Variants in KCNH5 observed in about 807,000 individuals in gnomAD.
KCNH5 encodes potassium voltage-gated channel subfamily H member 5.
KCNH5 carries 46 observed loss-of-function variants against 96.1 expected under a neutral mutation model. The ratio of observed to expected loss-of-function variants is 0.48; its 90% CI spans 0.38 to 0.61. The LOEUF is 0.61. Ranked by LOEUF, KCNH5 falls within the 20% of genes least tolerant of loss-of-function variation. The probability of loss-of-function intolerance (pLI) is 0.00; values close to 1 mark genes in which losing one functional copy is unlikely to be tolerated. For synonymous variants in KCNH5, 439 were observed against 449.8 expected (o/e 0.98, Z 0.30); for missense variants, 907 against 1,225.8 (o/e 0.74, Z 3.88).
At position 62,870,099 on chromosome 14, in the gene KCNH5, A is replaced by C. The variant is rs528898684; in HGVS notation, c.1370-20247T>G. ...CTGCAAAAGAGACCTTTTAGGAAGT[A>C]AGTAAATTTCTTTTCTTTATAAGTC... On this transcript the variant is annotated intron_variant, in intron 7 of 10. Coordinates refer to ENST00000322893, the MANE Select transcript of KCNH5 (RefSeq NM_139318.5). 3.2e-4 allele frequency among the ~76,000 whole-genome samples: 48 copies of C among 152,266 alleles called. 1 individual carries two copies. The South Asian group carries it at 9.7e-3, about 31-fold the overall frequency.
At chr14:62,963,598 G>T in intron 6 of KCNH5, among the ~76,000 whole-genome samples, 1 of 152,048 alleles carries the variant, frequency 6.6e-6, no homozygotes, top group South Asian at 2.1e-4. Flanking sequence ...GCAGAAAAAA[G>T]GAGAGAATTC....
chr14:62,870,361 T>C (rs550463839), intron 7 of KCNH5, among the ~76,000 whole-genome samples: 3 of 152,320 alleles, frequency 2.0e-5, no homozygotes, highest in East Asian at 3.9e-4. Flanking sequence ...TATATACAAA[T>C]GTCATGACTT....
chr14:63,002,381 A>C (rs902055734), intron 3 of KCNH5, among the ~76,000 whole-genome samples: 1 of 152,200 alleles, frequency 6.6e-6, no homozygotes, highest in Non-Finnish European at 1.5e-5. Flanking sequence ...AAAACACTGA[A>C]GGGAAGATTC....
intron 10 of KCNH5, among the ~76,000 whole-genome samples, chr14:62,778,871 G>A (rs1886151200): frequency 2.0e-5 from 3 of 152,166 alleles, no homozygotes; most frequent in Admixed American, 2.0e-4. Flanking sequence ...ATTTAATTAT[G>A]TTCATTTCTA....
chr14:62,795,573 C>T (rs769609711), intron 9 of KCNH5, among the ~76,000 whole-genome samples: 8 of 152,138 alleles, frequency 5.3e-5, no homozygotes, highest in Non-Finnish European at 1.0e-4. Context: ...TAAGGGACTT[C>T]AGCATCCTCA....
At chr14:63,018,460 A>G (rs1014290172) in intron 1 of KCNH5, among the ~76,000 whole-genome samples, 2 of 152,006 alleles carry the variant, frequency 1.3e-5, no homozygotes, top group African/African-American at 2.4e-5. Flanking sequence ...GTAAAGGGCT[A>G]AAGAGATGGA....
rs1884392199 is a variant in KCNH5, at chr14:62,704,368, A to C, written c.*3140T>G. On this transcript the variant is annotated 3_prime_UTR_variant, in exon 11 of 11. Transcript: ENST00000322893. ...CAACCACTGTGCCTGAACCATTTTC[A>C]GTACCATTCATATAGCTTTGGTATT... 1 of 151,910 alleles carries C rather than the reference A, an allele frequency of 6.6e-6. No individual in the cohort carries two copies. Among genetic ancestry groups the C allele is most frequent in the Admixed American group, 6.6e-5 (1 of 15,240 alleles). 9.4% of individuals were successfully genotyped at this position (151,910 alleles called of 1,614,324 possible). A position where few individuals can be genotyped will look rare whatever the true frequency, so the allele number is the denominator to read the frequency against.
At chr14:62,831,443 C>T (rs1887346711) in intron 8 of KCNH5, among the ~76,000 whole-genome samples, 1 of 152,148 alleles carries the variant, frequency 6.6e-6, no homozygotes, top group Non-Finnish European at 1.5e-5. Context: ...GAGGTAAGCA[C>T]TGGGTTTTTT....
chr14:62,879,129 A>T (rs574535133), intron 7 of KCNH5, among the ~76,000 whole-genome samples: 1 of 152,268 alleles, frequency 6.6e-6, no homozygotes, highest in South Asian at 2.1e-4. Flanking sequence ...ATCATTAGTA[A>T]TCAGTTTAAT....
At position 62,699,999 on chromosome 14, in the gene KCNH5, C is replaced by T. The variant is rs1191573444; in HGVS notation, c.*7509G>A. 2 of 152,128 alleles carry T rather than the reference C, an allele frequency of 1.3e-5. No homozygotes were observed. The highest frequency in any genetic ancestry group is 4.8e-5 in the African/African-American group (2 of 41,436). 9.4% of individuals were successfully genotyped at this position (152,128 alleles called of 1,614,324 possible). A position where few individuals can be genotyped will look rare whatever the true frequency, so the allele number is the denominator to read the frequency against. On this transcript the variant is annotated 3_prime_UTR_variant, in exon 11 of 11. Coordinates refer to ENST00000322893, the MANE Select transcript of KCNH5 (RefSeq NM_139318.5). ...GTGAATTAACCCTTAAAGGCAGAGGCATTTTTAATACCCCCAATATCTCAC... is the reference window on the plus strand; with the variant it reads ...GTGAATTAACCCTTAAAGGCAGAGGTATTTTTAATACCCCCAATATCTCAC...
At chr14:63,017,429 T>G (rs1313408832) in intron 1 of KCNH5, among the ~76,000 whole-genome samples, 1 of 151,898 alleles carries the variant, frequency 6.6e-6, no homozygotes, top group African/African-American at 2.4e-5. Flanking sequence ...TTTTTGTCCA[T>G]TAGACTAATC....
chr14:63,038,349 AC>A (rs1398766295), intron 1 of KCNH5, among the ~76,000 whole-genome samples: 4 of 152,190 alleles, frequency 2.6e-5, no homozygotes, highest in Admixed American at 6.5e-5. Context: ...TAGTTCATAT[AC>A]CAAAATTTTC....
At chr14:62,920,704 A>C (rs184112283) in intron 7 of KCNH5, among the ~76,000 whole-genome samples, 32 of 152,328 alleles carry the variant, frequency 2.1e-4, no homozygotes, top group African/African-American at 7.5e-4. Flanking sequence ...AATGAGAGTC[A>C]TAAATCATGA....
At chr14:62,796,535 T>G (rs982476455) in intron 9 of KCNH5, among the ~76,000 whole-genome samples, 1 of 152,212 alleles carries the variant, frequency 6.6e-6, no homozygotes, top group African/African-American at 2.4e-5. Flanking sequence ...AGATAGAGAT[T>G]GTCTTAGTTT....
intron 8 of KCNH5, among the ~76,000 whole-genome samples, chr14:62,815,558 A>G (rs759828131): frequency 2.6e-5 from 4 of 152,104 alleles, no homozygotes; most frequent in Admixed American, 6.6e-5. Context: ...GACTGTAGTG[A>G]TTATTTCATT....
chr14:62,758,422 A>T (rs1885672774), intron 10 of KCNH5, among the ~76,000 whole-genome samples: 2 of 152,110 alleles, frequency 1.3e-5, no homozygotes, highest in Admixed American at 6.5e-5. Context: ...AAATTCTTTT[A>T]AAAAAAGAAC....
chr14:62,967,856 A>G (rs1171666387), intron 6 of KCNH5, among the ~76,000 whole-genome samples: 1 of 152,214 alleles, frequency 6.6e-6, no homozygotes, highest in Non-Finnish European at 1.5e-5. Context: ...CTTTGCCTCT[A>G]TGTTAGAATC....
Position 62,847,223 on chromosome 14 carries a change from T to C in KCNH5, c.1569+2430A>G, listed in dbSNP as rs1019062483. ...ATGCCTAACAGGCATAGGAGTCTTC[T>C]GCTCTAGTTGTCAGGTTCTTTACAA... On this transcript the variant is annotated intron_variant, in intron 8 of 10. Transcript: ENST00000322893. Among the ~76,000 whole-genome samples, 30 of 150,654 alleles carry C rather than the reference T, an allele frequency of 2.0e-4. No homozygotes were observed. In the East Asian group the frequency reaches 5.0e-3, roughly 25 times the overall value.
At position 62,794,699 on chromosome 14, in the gene KCNH5, A is replaced by G. The variant is rs1051458570; in HGVS notation, c.1822+7630T>C. ...AATACACTTTAAAAGTTTGTTAAGG[A>G]ATATTAAAATCAAAAGGTATCTGTT... On this transcript the variant is annotated intron_variant, in intron 9 of 10. Transcript: ENST00000322893. 2.6e-5 allele frequency among the ~76,000 whole-genome samples: 4 copies of G among 152,092 alleles called. No individual in the cohort carries two copies. In the South Asian group the frequency reaches 8.3e-4, roughly 31 times the overall value.
Sources: allele counts gnomAD v4.1 joint callset (sites outside exome capture counted in the v4.1 genomes callset), GRCh38; gene constraint gnomAD v4.1.1; transcripts MANE v1.5; gene names NCBI Gene and HGNC (gene_info 2026-07-23, HGNC 2026-07-21).